The following PLXNA4 variants were observed in gnomAD, a reference collection of about 807,000 sequenced individuals.
The protein encoded by PLXNA4 is plexin A4.
Under a neutral mutation model 191.8 loss-of-function variants are expected in PLXNA4, and 44 were observed. The observed-to-expected ratio is 0.23, with a 90% CI of 0.18 to 0.29. The LOEUF is 0.29. Ranked by LOEUF, PLXNA4 falls within the 10% of genes least tolerant of loss-of-function variation. The probability of loss-of-function intolerance (pLI) is 1.00; values close to 1 mark genes in which losing one functional copy is unlikely to be tolerated. For synonymous variants in PLXNA4, 1,082 were observed against 1,009.5 expected, an observed-to-expected ratio of 1.07 and a Z score of -1.36; for missense variants, 1,800 against 2,488.8, an observed-to-expected ratio of 0.72 and a Z score of 5.89.
At chr7:132,459,122 C>T (rs1480736093) in intron 3 of PLXNA4, among the ~76,000 whole-genome samples, 6 of 152,208 alleles carry the variant, frequency 3.9e-5, no homozygotes, top group African/African-American at 1.4e-4. Flanking sequence ...CCAGAGCCCG[C>T]GCTCTTCCTC....
chr7:132,516,220 TTTTATTTATTTATTTATTTA>T (rs58035948), intron 1 of PLXNA4, among the ~76,000 whole-genome samples: 11 of 148,322 alleles, frequency 7.4e-5, no homozygotes, highest in South Asian at 4.3e-4. Flanking sequence ...CATTTTGTCC[TTTTATTTATTTATTTATTTA>T]TTTATTTATT....
intron 3 of PLXNA4, among the ~76,000 whole-genome samples, chr7:132,318,338 C>G (rs751729381): frequency 6.6e-6 from 1 of 152,188 alleles, no homozygotes; most frequent in Non-Finnish European, 1.5e-5. Context: ...CAGAAAAGAG[C>G]GCAATACTGC....
chr7:132,492,372 A>T (rs1797842517), intron 2 of PLXNA4, among the ~76,000 whole-genome samples: 1 of 152,332 alleles, frequency 6.6e-6, no homozygotes, highest in Middle Eastern at 3.4e-3. Flanking sequence ...AAAAGAGAGT[A>T]TACATTTGGC....
In PLXNA4 at chr7:132,124,442, C is replaced by T. The variant is rs1417981637; in HGVS notation, c.*6037G>A. The T allele has an allele frequency of 6.6e-6, 1 of 152,178 alleles. No individual in the cohort carries two copies. Among genetic ancestry groups the T allele is most frequent in the Admixed American group, 6.5e-5 (1 of 15,280 alleles). 9.4% of individuals were successfully genotyped at this position (152,178 alleles called of 1,614,324 possible). On this transcript the variant is annotated 3_prime_UTR_variant, in exon 32 of 32. Transcript: ENST00000321063. ...GGTTTCTTAAGCGTCCTTTGGGTTG[C>T]TCTTTAACTGTATCCTCTGTTTTAA...
At chr7:132,192,062 G>A (rs1195733412) in intron 14 of PLXNA4, among the ~76,000 whole-genome samples, 1 of 152,142 alleles carries the variant, frequency 6.6e-6, no homozygotes, top group African/African-American at 2.4e-5. Flanking sequence ...TTCTGTGACA[G>A]CCAACTGCAT....
At chr7:132,527,950 C>A (rs1327564435) in intron 1 of PLXNA4, among the ~76,000 whole-genome samples, 1 of 152,208 alleles carries the variant, frequency 6.6e-6, no homozygotes, top group African/African-American at 2.4e-5. Flanking sequence ...ATCAAGACAT[C>A]TGCATGGAAG....
chr7:132,211,219 G>T, intron 9 of PLXNA4, 76 bp from the exon 10 acceptor site: 1 of 1,444,710 alleles, frequency 6.9e-7, no homozygotes, highest in South Asian at 1.3e-5. Flanking sequence ...ACATAACCCG[G>T]ATGTTCCCTG....
intron 15 of PLXNA4, among the ~76,000 whole-genome samples, chr7:132,186,040 T>C (rs1419760035): frequency 6.6e-6 from 1 of 152,230 alleles, no homozygotes; most frequent in Non-Finnish European, 1.5e-5. Flanking sequence ...ACACTACTGA[T>C]GCCAGGCCTG....
chr7:132,203,480 G>T, intron 10 of PLXNA4, 61 bp from the exon 11 acceptor site: 2 of 1,450,498 alleles, frequency 1.4e-6, no homozygotes, highest in South Asian at 1.1e-5. Context: ...TCTAGAGAGG[G>T]CCCAAATGAT....
At chr7:132,620,149 C>G (rs1490713541) in intron 2 of PLXNA4, among the ~76,000 whole-genome samples, 4 of 152,258 alleles carry the variant, frequency 2.6e-5, no homozygotes, top group Non-Finnish European at 5.9e-5. Flanking sequence ...TTTAAGACTA[C>G]AGGGTCACAT....
chr7:132,187,461 T>C lies in PLXNA4; in HGVS notation c.2993+10A>G, dbSNP rs763471733. 45 of 1,610,492 alleles carry C rather than the reference T, an allele frequency of 2.8e-5. No homozygotes were observed. Among genetic ancestry groups the C allele is most frequent in the Non-Finnish European group, 3.6e-5 (42 of 1,178,058 alleles). On this transcript the variant is annotated intron_variant, in intron 15 of 31. Coordinates refer to ENST00000321063, the MANE Select transcript of PLXNA4 (RefSeq NM_020911.2). ...TCTCTGGTGCTGCAGAAAGGGGCCC[T>C]CTGAGTTACCTGTGGAAGAGACAGG...
chr7:132,231,455 G>T (rs960142811), intron 5 of PLXNA4, among the ~76,000 whole-genome samples: 1 of 151,946 alleles, frequency 6.6e-6, no homozygotes, highest in African/African-American at 2.4e-5. Context: ...GACAGAGTCT[G>T]GCTCTGTAGC....
chr7:132,311,945 C>T (rs1801759553), intron 3 of PLXNA4, among the ~76,000 whole-genome samples: 1 of 152,040 alleles, frequency 6.6e-6, no homozygotes, highest in Admixed American at 6.5e-5. Flanking sequence ...ATGCAGAAAG[C>T]TGGGGGCCCT....
At chr7:132,415,718 C>A (rs1159176046) in intron 3 of PLXNA4, among the ~76,000 whole-genome samples, 9 of 152,156 alleles carry the variant, frequency 5.9e-5, no homozygotes, top group Admixed American at 1.3e-4. Flanking sequence ...TAATTATTTT[C>A]ATCAATACAG....
intron 14 of PLXNA4, among the ~76,000 whole-genome samples, chr7:132,191,673 A>C (rs1041670684): frequency 6.6e-6 from 1 of 152,014 alleles, no homozygotes; most frequent in Admixed American, 6.6e-5. Context: ...GCCATGCAGC[A>C]GTTTCCTCCC....
In PLXNA4 at chr7:132,576,427, CGCGCCGCGTTTCCCTCCTTCAGCGGGA is replaced by C; in HGVS notation, c.-119_-93del. 1.0e-6 allele frequency: 1 copy of C among 985,974 alleles called. No homozygotes were observed. Among genetic ancestry groups the C allele is most frequent in the South Asian group, 4.7e-5 (1 of 21,290 alleles). 61.1% of individuals were successfully genotyped at this position (985,974 alleles called of 1,614,324 possible). A position where few individuals can be genotyped will look rare whatever the true frequency, so the allele number is the denominator to read the frequency against. On this transcript the variant is annotated 5_prime_UTR_variant, in exon 1 of 32. The change abolishes the stop of an existing upstream ORF in the 5' untranslated region. Coordinates refer to ENST00000321063, the MANE Select transcript of PLXNA4 (RefSeq NM_020911.2). The surrounding 1 kb of genome is among the most constrained non-coding windows in gnomAD (Gnocchi z 5.8). ...CCGGCGGGCCGGCTCCTTACCTGGA[CGCGCCGCGTTTCCCTCCTTCAGCGGGA>C]GCGCCGCATTGACACTGCAGATGGA...
rs112001584 is a variant in PLXNA4 at position 132,559,338 on chromosome 7, C to G, written c.-87+17084G>C. Among the ~76,000 whole-genome samples the G allele has an allele frequency of 8.0e-3, 1,211 of 152,188 alleles. 14 individuals are homozygous for G. The highest frequency in any genetic ancestry group is 0.028 in the African/African-American group (1,143 of 41,508). ...CCCTGTTTCTCCCCACAAGACAGCC[C>G]AAAGCACAAGACAATTTTATTAGCA... is the stretch of plus-strand genomic sequence containing the variant. On this transcript the variant is annotated intron_variant, in intron 1 of 31. Coordinates refer to ENST00000321063, the MANE Select transcript of PLXNA4 (RefSeq NM_020911.2).
At chr7:132,564,304 T>C (rs1231845164) in intron 1 of PLXNA4, among the ~76,000 whole-genome samples, 2 of 136,572 alleles carry the variant, frequency 1.5e-5, no homozygotes, top group Admixed American at 1.5e-4. Flanking sequence ...CTGCTCCTCC[T>C]CCTCTCCTTT....
chr7:132,588,153 A>C (rs1396898566), intron 2 of PLXNA4, among the ~76,000 whole-genome samples: 1 of 152,076 alleles, frequency 6.6e-6, no homozygotes, highest in Non-Finnish European at 1.5e-5. Flanking sequence ...CGATGAACTC[A>C]GTGTCAGGTA....
Sources: gnomAD v4.1 joint callset for allele counts (sites outside exome capture counted in the v4.1 genomes callset) on GRCh38, gnomAD v4.1.1 for gene constraint, Gnocchi (gnomAD v3.1) non-coding constraint, MANE v1.5 for transcripts, NCBI Gene and HGNC (gene_info 2026-07-23, HGNC 2026-07-21) for gene names.